The following NEGR1 variants were observed in gnomAD, a reference collection of about 807,000 sequenced individuals.
NEGR1 encodes the protein neuronal growth regulator 1.
In NEGR1, 10 loss-of-function variants were observed where a neutral mutation model predicts 40.9. The ratio of observed to expected loss-of-function variants is 0.24; its 90% CI spans 0.15 to 0.42. The LOEUF (loss-of-function observed/expected upper bound fraction) is 0.42, where lower values mean the gene tolerates loss of function less well. NEGR1 is among the 10% of genes least tolerant of loss of function. The probability of loss-of-function intolerance (pLI) is 1.00; values close to 1 mark genes in which losing one functional copy is unlikely to be tolerated. For missense variants in NEGR1, 352 were observed against 438.9 expected (o/e 0.80, Z 1.77); for synonymous variants, 185 against 166.8 (o/e 1.11, Z -0.84).
intron 1 of NEGR1, among the ~76,000 whole-genome samples, chr1:72,245,853 C>T (rs1394111776): frequency 2.0e-5 from 3 of 152,016 alleles, no homozygotes; most frequent in Non-Finnish European, 4.4e-5. Context: ...AATTGTTTTG[C>T]AATCTAGTAC....
At chr1:71,716,201 C>A (rs77337096) in intron 3 of NEGR1, among the ~76,000 whole-genome samples, 2 of 151,936 alleles carry the variant, frequency 1.3e-5, no homozygotes, top group African/African-American at 4.8e-5. Flanking sequence ...CTCAGTATCA[C>A]GAGAATAGCA....
At chr1:71,738,407 TC>T in intron 3 of NEGR1, 1 of 172,402 alleles carries the variant, frequency 5.8e-6, no homozygotes, top group Non-Finnish European at 1.3e-5. Flanking sequence ...TCCTCCACCC[TC>T]CCCAGAGAAC....
At chr1:71,506,793 T>G (rs1325916889) in intron 6 of NEGR1, among the ~76,000 whole-genome samples, 1 of 151,704 alleles carries the variant, frequency 6.6e-6, no homozygotes, top group Non-Finnish European at 1.5e-5. Flanking sequence ...AAGTGATGGA[T>G]AAAAAACAAA....
intron 3 of NEGR1, among the ~76,000 whole-genome samples, chr1:71,721,609 G>T (rs1320982613): frequency 2.6e-5 from 4 of 152,142 alleles, no homozygotes; most frequent in Non-Finnish European, 5.9e-5. Flanking sequence ...TTCTTTGTGT[G>T]TGTGGCTGTG....
At chr1:71,845,330 A>G (rs180695840) in intron 2 of NEGR1, among the ~76,000 whole-genome samples, 2 of 152,274 alleles carry the variant, frequency 1.3e-5, no homozygotes, top group East Asian at 3.9e-4. Context: ...GGCATAAATC[A>G]TAATCAATTT....
At chr1:71,634,214 A>T (rs1651067021) in intron 4 of NEGR1, among the ~76,000 whole-genome samples, 1 of 152,084 alleles carries the variant, frequency 6.6e-6, no homozygotes, top group African/African-American at 2.4e-5. Flanking sequence ...AGGTGAGCAG[A>T]TAAATAACAT....
intron 4 of NEGR1, among the ~76,000 whole-genome samples, chr1:71,631,462 A>C (rs1650965639): frequency 6.6e-6 from 1 of 151,828 alleles, no homozygotes; most frequent in Non-Finnish European, 1.5e-5. Context: ...ATCTATCAAC[A>C]AGAATTCTCT....
At chr1:72,225,517 ATACT>A (rs963701417) in intron 1 of NEGR1, among the ~76,000 whole-genome samples, 18 of 151,770 alleles carry the variant, frequency 1.2e-4, no homozygotes, top group African/African-American at 2.9e-4. Flanking sequence ...GACTTTATAA[ATACT>A]TACCAAAATT....
At position 72,239,524 on chromosome 1, in the gene NEGR1, T is replaced by A. The variant is rs992251372; in HGVS notation, c.176+42795A>T. Reference sequence around the variant, plus strand: ...CTTAGTTTTGTTGCTCACAGAATATTTATTGTTTGGGGTAGTGACATAATA... The same window carrying A: ...CTTAGTTTTGTTGCTCACAGAATATATATTGTTTGGGGTAGTGACATAATA... On this transcript the variant is annotated intron_variant, in intron 1 of 6. Coordinates refer to ENST00000357731, the MANE Select transcript of NEGR1 (RefSeq NM_173808.3). Among the ~76,000 whole-genome samples, 7 of 132,802 alleles carry A rather than the reference T, an allele frequency of 5.3e-5. No individual in the cohort carries two copies. The South Asian group carries it at 1.6e-3, about 30-fold the overall frequency. The allele number at this position is 132,802 out of a possible 152,430, so 87.1% of individuals were successfully genotyped here.
intron 5 of NEGR1, among the ~76,000 whole-genome samples, chr1:71,600,409 T>G (rs1235898400): frequency 6.6e-6 from 1 of 152,148 alleles, no homozygotes; most frequent in Non-Finnish European, 1.5e-5. Flanking sequence ...TGTGAGCCCA[T>G]GAGGGTACAT....
chr1:71,696,054 G>T (rs144321373), intron 4 of NEGR1, among the ~76,000 whole-genome samples: 97 of 151,846 alleles, frequency 6.4e-4, no homozygotes, highest in African/African-American at 1.9e-3. Flanking sequence ...ATTGCTATGA[G>T]TAATACATTG....
rs143994183 is a variant in NEGR1, at chr1:71,662,829, T to A, written c.667+35179A>T. On this transcript the variant is annotated intron_variant, in intron 4 of 6. Transcript: ENST00000357731. ...AAAACTAGTTCAGTTTTATTAAAAT[T>A]TATATGTACACATGACAACTTTTCA... Among the ~76,000 whole-genome samples, 126 of 152,104 alleles carry A rather than the reference T, an allele frequency of 8.3e-4. 1 individual carries two copies. The highest frequency in any genetic ancestry group is 1.4e-3 in the Non-Finnish European group (93 of 67,990).
intron 1 of NEGR1, among the ~76,000 whole-genome samples, chr1:72,272,413 G>A (rs1486809142): frequency 6.6e-6 from 1 of 151,666 alleles, no homozygotes; most frequent in African/African-American, 2.4e-5. Flanking sequence ...CAAATATTAT[G>A]TATCTAAATA....
chr1:71,586,222 T>C (rs1649301421), intron 6 of NEGR1, among the ~76,000 whole-genome samples: 1 of 152,112 alleles, frequency 6.6e-6, no homozygotes. Context: ...TTGCTTGACT[T>C]TGGTCTCTGA....
intron 6 of NEGR1, among the ~76,000 whole-genome samples, chr1:71,575,510 A>C (rs370700412): frequency 1.5e-4 from 23 of 152,226 alleles, no homozygotes; most frequent in Non-Finnish European, 2.4e-4. Flanking sequence ...CCAGTTGGGC[A>C]CGGTGGCTCA....
At chr1:72,138,096 T>C (rs908252209) in intron 1 of NEGR1, among the ~76,000 whole-genome samples, 7 of 151,944 alleles carry the variant, frequency 4.6e-5, no homozygotes, top group Non-Finnish European at 1.0e-4. Flanking sequence ...TTATAACAAA[T>C]GGAAATACAG....
chr1:72,069,088 T>G (rs1197278796), intron 1 of NEGR1, among the ~76,000 whole-genome samples: 2 of 152,096 alleles, frequency 1.3e-5, no homozygotes, highest in African/African-American at 4.8e-5. Context: ...GATTTCTTTA[T>G]AGCATATATC....
chr1:72,055,379 C>T (rs577961155), intron 1 of NEGR1, among the ~76,000 whole-genome samples: 54 of 151,264 alleles, frequency 3.6e-4, no homozygotes, highest in Non-Finnish European at 5.8e-4. Flanking sequence ...AAAGAATCTT[C>T]TTTTAATTTA....
chr1:71,873,459 T>C (rs1054186116), intron 2 of NEGR1, among the ~76,000 whole-genome samples: 8 of 152,156 alleles, frequency 5.3e-5, no homozygotes, highest in African/African-American at 1.4e-4. Flanking sequence ...TGGCTCGTTA[T>C]ATGACCCTGG....
Sources: gnomAD v4.1 joint callset for allele counts (sites outside exome capture counted in the v4.1 genomes callset) on GRCh38, gnomAD v4.1.1 for gene constraint, MANE v1.5 for transcripts, NCBI Gene and HGNC (gene_info 2026-07-23, HGNC 2026-07-21) for gene names.